The following DEDD2 variants were observed in gnomAD, a reference collection of about 807,000 sequenced individuals.
DEDD2 encodes death effector domain containing 2.
In DEDD2, 18 loss-of-function variants were observed where a neutral mutation model predicts 28.9. The ratio of observed to expected loss-of-function variants is 0.62; its 90% CI spans 0.43 to 0.92. DEDD2 has a LOEUF of 0.92. DEDD2 is among the 40% of genes least tolerant of loss of function. The probability of loss-of-function intolerance (pLI) is 0.00; values close to 1 mark genes in which losing one functional copy is unlikely to be tolerated. For synonymous variants in DEDD2, 211 were observed against 206.1 expected (o/e 1.02, Z -0.20); for missense variants, 411 against 463.3 (o/e 0.89, Z 1.04).
intron 1 of DEDD2, 24 bp from the exon 2 acceptor site, chr19:42,217,069 G>A (rs1296308725): frequency 2.3e-5 from 35 of 1,498,564 alleles, no homozygotes; most frequent in Admixed American, 4.0e-5. Flanking sequence ...AGCGGGGAGG[G>A]GGCAGTGGTC....
At position 42,199,758 on chromosome 19, in the gene DEDD2, G is replaced by A. The variant is rs763772677; in HGVS notation, c.661C>T (p.Arg221Trp). Residue 221 changes from arginine to tryptophan, a missense_variant, in exon 5 of 5, where the codon CGG becomes TGG. Physicochemically the swap from Arg to Trp is moderately radical, Grantham distance 101. Transcript: ENST00000596251. The surrounding 1 kb of genome is among the most constrained non-coding windows in gnomAD (Gnocchi z 7.4). ...PALEQGVASR[R>W]PQALARQLDV... ...AGCTGCCGCGCCAGCGCCTGGGGCCGCCGGGATGCCACGCCCTGCTCCAAG... is the reference window on the plus strand; with the variant it reads ...AGCTGCCGCGCCAGCGCCTGGGGCCACCGGGATGCCACGCCCTGCTCCAAG... 9.9e-6 allele frequency: 16 copies of A among 1,611,760 alleles called. No homozygotes were observed. Among genetic ancestry groups the A allele is most frequent in the African/African-American group, 1.3e-5 (1 of 75,012 alleles).
chr19:42,199,923 A>AC lies in DEDD2; in HGVS notation c.590-95dup. On this transcript the variant is annotated intron_variant, in intron 4 of 4. Coordinates refer to ENST00000596251, the MANE Select transcript of DEDD2 (RefSeq NM_133328.4). This position sits in a 1 kb window ranked among gnomAD's most constrained non-coding sequence, Gnocchi z 7.4. ...TTCCTCCCTCCAGCCTTCTCCCTCC[A>AC]CCCCCTTCCGGTAGCCACACCCTAG... 1.4e-6 allele frequency: 2 copies of AC among 1,463,028 alleles called. No individual in the cohort carries two copies. Among genetic ancestry groups the AC allele is most frequent in the Non-Finnish European group, 1.8e-6 (2 of 1,102,154 alleles). The allele number at this position is 1,463,028 out of a possible 1,614,324, so 90.6% of individuals were successfully genotyped here.
intron 4 of DEDD2, among the ~76,000 whole-genome samples, chr19:42,200,175 A>AC (rs2035275400): frequency 1.3e-5 from 2 of 151,342 alleles, no homozygotes; most frequent in Non-Finnish European, 2.9e-5. Flanking sequence ...GTAACCACCC[A>AC]CCCAGCCCTC....
intron 3 of DEDD2, 43 bp from the exon 4 acceptor site, chr19:42,209,883 G>C: frequency 6.7e-7 from 1 of 1,490,444 alleles, no homozygotes; most frequent in Non-Finnish European, 8.9e-7. Context: ...CAGGATGACA[G>C]CTAGAGTGCC....
upstream of DEDD2, among the ~76,000 whole-genome samples, chr19:42,219,836 T>C (rs2036098925): frequency 6.6e-6 from 1 of 152,232 alleles, no homozygotes; most frequent in Non-Finnish European, 1.5e-5. Flanking sequence ...AGTGGGCGCC[T>C]ACAGTGTATG....
chr19:42,209,404 A>G (rs1158413762), intron 4 of DEDD2, among the ~76,000 whole-genome samples: 2 of 152,140 alleles, frequency 1.3e-5, no homozygotes, highest in Non-Finnish European at 2.9e-5. Context: ...TGCACAAGAA[A>G]TGTCTGAATA....
rs573901612 is a variant in DEDD2 at position 42,216,741 on chromosome 19, G to A, written c.267C>T (p.Leu89=). The change falls in exon 2 of 5, where the codon CTC becomes CTT. Residue 89 remains leucine (L), a synonymous_variant. Coordinates refer to ENST00000596251, the MANE Select transcript of DEDD2 (RefSeq NM_133328.4). ...GGTCGTGGCGGGCCAGCACGCGCAG[G>A]AGTTGCCCCAGCAGCCGCAGGTTGC... ...DESNLRLLGQ[L]LRVLARHDLL... is the part of the protein sequence containing the mutation. 1 of 1,593,762 alleles carries A rather than the reference G, an allele frequency of 6.3e-7. No individual in the cohort carries two copies.
chr19:42,203,345 AAGG>A (rs1417166822), intron 4 of DEDD2, among the ~76,000 whole-genome samples: 1 of 152,246 alleles, frequency 6.6e-6, no homozygotes, highest in Non-Finnish European at 1.5e-5. Flanking sequence ...GTAAAATGTG[AAGG>A]AGGACAAGTA....
intron 4 of DEDD2, among the ~76,000 whole-genome samples, chr19:42,208,262 G>A (rs1016109805): frequency 4.6e-5 from 7 of 152,112 alleles, no homozygotes; most frequent in African/African-American, 1.7e-4. Context: ...TCACAGCAGA[G>A]TCCCCAACCC....
intron 3 of DEDD2, among the ~76,000 whole-genome samples, chr19:42,214,878 C>T (rs1477514333): frequency 6.6e-6 from 1 of 152,142 alleles, no homozygotes; most frequent in Admixed American, 6.6e-5. Context: ...AAATCTCAGA[C>T]ACATCTAGCA....
At chr19:42,214,321 G>A (rs2035880155) in intron 3 of DEDD2, among the ~76,000 whole-genome samples, 1 of 152,142 alleles carries the variant, frequency 6.6e-6, no homozygotes, top group Admixed American at 6.5e-5. Flanking sequence ...AGCCAGGCAT[G>A]GTGTCATGCG....
chr19:42,211,385 G>A (rs2035753858), intron 3 of DEDD2, among the ~76,000 whole-genome samples: 1 of 140,714 alleles, frequency 7.1e-6, no homozygotes, highest in Admixed American at 7.2e-5. Flanking sequence ...ACCCTCAAAG[G>A]GAGAAGGGAG....
chr19:42,199,571 G>A lies in DEDD2; in HGVS notation c.848C>T (p.Ala283Val). 1 of 1,614,066 alleles carries A rather than the reference G, an allele frequency of 6.2e-7. No individual in the cohort carries two copies. The highest frequency in any genetic ancestry group is 8.5e-7 in the Non-Finnish European group (1 of 1,179,982). ...QALRGVFLTE[A>V]LREAVGREAV... ...CTCCCGGCCCACAGCCTCTCGCAGGGCCTCAGTCAGGAACACGCCCCGCAG... is the reference window on the plus strand; with the variant it reads ...CTCCCGGCCCACAGCCTCTCGCAGGACCTCAGTCAGGAACACGCCCCGCAG... Residue 283 changes from alanine to valine, a missense_variant, in exon 5 of 5, where the codon GCC becomes GTC. By Grantham distance (64) the Ala-to-Val change is moderately conservative. Coordinates refer to ENST00000596251, the MANE Select transcript of DEDD2 (RefSeq NM_133328.4). The surrounding 1 kb of genome is among the most constrained non-coding windows in gnomAD (Gnocchi z 7.4).
chr19:42,216,960 CTCA>C lies in DEDD2; in HGVS notation c.45_47del (p.Asp15del). ...ACAGCATCCCGTAGTAGTCCAGGCA[CTCA>C]TCCTCCTCCCAGCACGGGGCCGGGG... is the stretch of plus-strand genomic sequence containing the variant. On this transcript the variant is annotated inframe_deletion, in exon 2 of 5. Transcript: ENST00000596251. 1.2e-6 allele frequency: 2 copies of C among 1,601,776 alleles called. No individual in the cohort carries two copies. The highest frequency in any genetic ancestry group is 1.7e-6 in the Non-Finnish European group (2 of 1,174,700).
At position 42,199,190 on chromosome 19, in the gene DEDD2, C is replaced by G; in HGVS notation, c.*248G>C. The stretch of plus-strand genomic sequence containing the variant: ...TCCCTTCTGAGATACAGGCCCAGCC[C>G]CCGCCTCCGGAGGCTAAGGGGGCAC... On this transcript the variant is annotated 3_prime_UTR_variant, in exon 5 of 5. Transcript: ENST00000596251. This position sits in a 1 kb window ranked among gnomAD's most constrained non-coding sequence, Gnocchi z 7.4. The G allele has an allele frequency of 1.8e-6, 1 of 570,128 alleles. No homozygotes were observed. The highest frequency in any genetic ancestry group is 3.0e-5 in the East Asian group (1 of 33,040). 35.3% of individuals were successfully genotyped at this position (570,128 alleles called of 1,614,324 possible).
rs886082122 is a variant in DEDD2 at position 42,215,720 on chromosome 19, T to A, written c.329-468A>T. 2.6e-5 allele frequency among the ~76,000 whole-genome samples: 4 copies of A among 152,018 alleles called. No individual in the cohort carries two copies. The South Asian group carries it at 8.3e-4, about 32-fold the overall frequency. On this transcript the variant is annotated intron_variant, in intron 2 of 4. Coordinates refer to ENST00000596251, the MANE Select transcript of DEDD2 (RefSeq NM_133328.4). ...TACTCTGGGTCAGGGAAGGCCATAATCCCCCCTCCCCAAACTAGCCACTGC... is the reference window on the plus strand; with the variant it reads ...TACTCTGGGTCAGGGAAGGCCATAAACCCCCCTCCCCAAACTAGCCACTGC...
intron 2 of DEDD2, among the ~76,000 whole-genome samples, 187 bp downstream of exon 2, chr19:42,216,493 T>C (rs1158531304): frequency 6.6e-6 from 1 of 152,266 alleles, no homozygotes; most frequent in African/African-American, 2.4e-5. Flanking sequence ...ATCACTGATG[T>C]GGCCAAATTC....
At position 42,216,853 on chromosome 19, in the gene DEDD2, G is replaced by T; in HGVS notation, c.155C>A (p.Ala52Asp). 1 of 1,591,606 alleles carries T rather than the reference G, an allele frequency of 6.3e-7. No individual in the cohort carries two copies. Among genetic ancestry groups the T allele is most frequent in the South Asian group, 1.1e-5 (1 of 88,334 alleles). The change falls in exon 2 of 5, where the codon GCT becomes GAT. Residue 52 changes from alanine to aspartate, a missense_variant. Transcript: ENST00000596251. ...LELLAFLLDEAPGAAGGLARA... is the reference protein window; with the variant it reads ...LELLAFLLDEDPGAAGGLARA... The stretch of plus-strand genomic sequence containing the variant: ...GGCTAAGCCTCCGGCGGCGCCAGGA[G>T]CCTCATCCAGCAGAAAGGCCAGGAG...
intron 4 of DEDD2, among the ~76,000 whole-genome samples, chr19:42,208,957 G>A (rs1448163219): frequency 1.3e-5 from 2 of 152,250 alleles, no homozygotes; most frequent in African/African-American, 2.4e-5. Flanking sequence ...GAGGTGGATG[G>A]CTGGGTGCGG....
Sources: allele counts gnomAD v4.1 joint callset (sites outside exome capture counted in the v4.1 genomes callset), GRCh38; gene constraint gnomAD v4.1.1; non-coding constraint Gnocchi (gnomAD v3.1); transcripts MANE v1.5; gene names NCBI Gene and HGNC (gene_info 2026-07-23, HGNC 2026-07-21).